ZBTB20: variants seen among roughly 807,000 people sequenced by gnomAD.
ZBTB20 encodes the protein zinc finger and BTB domain containing 20.
ZBTB20 carries 9 observed loss-of-function variants against 56.9 expected under a neutral mutation model. The ratio of observed to expected loss-of-function variants is 0.16; its 90% CI spans 0.10 to 0.28. The LOEUF (loss-of-function observed/expected upper bound fraction) is 0.28. Ranked by LOEUF, ZBTB20 falls within the 10% of genes least tolerant of loss-of-function variation. The probability of loss-of-function intolerance (pLI) is 1.00; values close to 1 mark genes in which losing one functional copy is unlikely to be tolerated. For synonymous variants in ZBTB20, 417 were observed against 420.7 expected (o/e 0.99, Z 0.11); for missense variants, 655 against 1,003.0 (o/e 0.65, Z 4.69).
At chr3:114,984,254 C>CAT (rs754658359) in intron 2 of ZBTB20, among the ~76,000 whole-genome samples, 4 of 151,902 alleles carry the variant, frequency 2.6e-5, no homozygotes, top group Non-Finnish European at 5.9e-5. Flanking sequence ...ATCAATTATA[C>CAT]ATATATATAT....
chr3:115,122,811 G>A (rs982176200), intron 1 of ZBTB20, among the ~76,000 whole-genome samples: 3 of 151,858 alleles, frequency 2.0e-5, no homozygotes, highest in African/African-American at 4.8e-5. Flanking sequence ...TCACCTACTG[G>A]CAATCACCTT....
At chr3:114,746,872 G>A (rs972561612) in intron 5 of ZBTB20, among the ~76,000 whole-genome samples, 8 of 152,086 alleles carry the variant, frequency 5.3e-5, no homozygotes, top group Non-Finnish European at 1.0e-4. Flanking sequence ...AGAAGTCTTC[G>A]ATATTTTTCA....
intron 2 of ZBTB20, among the ~76,000 whole-genome samples, chr3:115,005,299 T>C (rs1433696167): frequency 2.0e-5 from 3 of 151,866 alleles, no homozygotes; most frequent in Non-Finnish European, 4.4e-5. Flanking sequence ...GTATTTATTG[T>C]ATGTGTATTT....
chr3:114,407,781 A>C lies in ZBTB20; in HGVS notation c.-254-18676T>G, dbSNP rs1026468267. ...AAAGGAGAAGTCAGAATAATTCGCA[A>C]TCTGTGATAGGATAGGGATTGTATC... On this transcript the variant is annotated intron_variant, in intron 7 of 11. Transcript: ENST00000675478. Among the ~76,000 whole-genome samples, 3 of 152,096 alleles carry C rather than the reference A, an allele frequency of 2.0e-5. No homozygotes were observed. The South Asian group carries it at 6.2e-4, about 32-fold the overall frequency.
intron 6 of ZBTB20, among the ~76,000 whole-genome samples, chr3:114,649,498 A>T (rs887019576): frequency 3.3e-5 from 5 of 152,012 alleles, no homozygotes; most frequent in Non-Finnish European, 7.4e-5. Flanking sequence ...TGCATAATGG[A>T]CTCAAGTCTC....
At chr3:114,658,201 C>T (rs574018672) in intron 6 of ZBTB20, 7 of 152,208 alleles carry the variant, frequency 4.6e-5, no homozygotes, top group African/African-American at 1.7e-4. Context: ...GTAAAGAAAA[C>T]TACCTTAATG....
At chr3:114,987,566 T>TTACCTATG (rs918593503) in intron 2 of ZBTB20, among the ~76,000 whole-genome samples, 1 of 152,188 alleles carries the variant, frequency 6.6e-6, no homozygotes, top group Non-Finnish European at 1.5e-5. Context: ...AATAGCTTTA[T>TTACCTATG]TACCTATGCT....
rs534890645 is a variant in ZBTB20, at chr3:114,956,115, CA to C, written c.-456+18250del. ...CACATGCTATATTGACAAAAGTATG[CA>C]AAAAAATGCTAATCAAACTCAGCTC... is the stretch of plus-strand genomic sequence containing the variant. On this transcript the variant is annotated intron_variant, in intron 3 of 11. Coordinates refer to ENST00000675478, the MANE Select transcript of ZBTB20 (RefSeq NM_001348800.3). Among the ~76,000 whole-genome samples the C allele has an allele frequency of 2.0e-5, 3 of 152,040 alleles. 1 individual carries two copies. The South Asian group carries it at 6.2e-4, about 32-fold the overall frequency.
At chr3:114,428,516 G>C (rs528627170) in intron 7 of ZBTB20, among the ~76,000 whole-genome samples, 43 of 152,156 alleles carry the variant, frequency 2.8e-4, no homozygotes, top group Non-Finnish European at 5.6e-4. Flanking sequence ...TTTGGTAGGT[G>C]GGGGGAATGA....
chr3:114,402,597 C>T lies in ZBTB20; in HGVS notation c.-254-13492G>A, dbSNP rs55941357. 7.0e-3 allele frequency among the ~76,000 whole-genome samples: 1,073 copies of T among 152,272 alleles called. 15 individuals are homozygous for T. Among genetic ancestry groups the T allele is most frequent in the African/African-American group, 0.025 (1,036 of 41,562 alleles). On this transcript the variant is annotated intron_variant, in intron 7 of 11. Coordinates refer to ENST00000675478, the MANE Select transcript of ZBTB20 (RefSeq NM_001348800.3). ...CACAGAACAGCAGGGATCTTGACGA[C>T]TAAATCATCCTAACTCACGACGAGG... is the stretch of plus-strand genomic sequence containing the variant.
chr3:114,378,564 T>G (rs1016741245), intron 10 of ZBTB20, among the ~76,000 whole-genome samples: 2 of 152,254 alleles, frequency 1.3e-5, no homozygotes, highest in Non-Finnish European at 2.9e-5. Context: ...CCAATGCTTT[T>G]TCTATTCACA....
chr3:114,631,512 C>A (rs1367880118), intron 6 of ZBTB20, among the ~76,000 whole-genome samples: 1 of 147,538 alleles, frequency 6.8e-6, no homozygotes, highest in East Asian at 2.1e-4. Flanking sequence ...CCTGCCTCAG[C>A]CTCTTGAGTA....
At chr3:115,035,900 A>C (rs1039986461) in intron 2 of ZBTB20, among the ~76,000 whole-genome samples, 2 of 152,220 alleles carry the variant, frequency 1.3e-5, no homozygotes, top group African/African-American at 4.8e-5. Flanking sequence ...TTAAAAAGTA[A>C]GGAAATTGTG....
rs1297287242 is a variant in ZBTB20, at chr3:114,331,966, CTCTT to C, written c.*7035_*7038del. On this transcript the variant is annotated 3_prime_UTR_variant, in exon 12 of 12. Coordinates refer to ENST00000675478, the MANE Select transcript of ZBTB20 (RefSeq NM_001348800.3). ...CGGTGACATACTGGATGGGTTAAGA[CTCTT>C]TCATTATTAGAATCTACATATAAAT... The C allele has an allele frequency of 6.6e-6, 1 of 151,454 alleles. No homozygotes were observed. Among genetic ancestry groups the C allele is most frequent in the Non-Finnish European group, 1.5e-5 (1 of 67,966 alleles). The allele number at this position is 151,454 out of a possible 1,614,324, so 9.4% of individuals were successfully genotyped here. A position where few individuals can be genotyped will look rare whatever the true frequency, so the allele number is the denominator to read the frequency against.
intron 6 of ZBTB20, chr3:114,529,115 C>T (rs1337298949): frequency 1.3e-5 from 2 of 152,184 alleles, no homozygotes; most frequent in African/African-American, 4.8e-5. Flanking sequence ...TCCTCTTGAG[C>T]ACATAGCTAA....
chr3:114,856,327 C>A (rs917932955), intron 4 of ZBTB20, among the ~76,000 whole-genome samples: 1 of 152,000 alleles, frequency 6.6e-6, no homozygotes. Flanking sequence ...GATTCAGAAA[C>A]CACAAAATGG....
intron 5 of ZBTB20, among the ~76,000 whole-genome samples, chr3:114,770,149 T>A (rs2069095607): frequency 6.6e-6 from 1 of 151,478 alleles, no homozygotes; most frequent in Non-Finnish European, 1.5e-5. Context: ...TATGGTGCAG[T>A]GTATGCTGCT....
At chr3:114,797,330 G>A (rs2071401448) in intron 5 of ZBTB20, among the ~76,000 whole-genome samples, 1 of 151,550 alleles carries the variant, frequency 6.6e-6, no homozygotes, top group Admixed American at 6.6e-5. Context: ...CATACATTAT[G>A]GTTCTCATCC....
chr3:115,027,544 T>A (rs1377843334), intron 2 of ZBTB20: 2 of 150,950 alleles, frequency 1.3e-5, no homozygotes, highest in Non-Finnish European at 3.0e-5. Context: ...CTTGACTATA[T>A]CCTATGGTGT....
Sources: allele counts gnomAD v4.1 joint callset (sites outside exome capture counted in the v4.1 genomes callset), GRCh38; gene constraint gnomAD v4.1.1; transcripts MANE v1.5; gene names NCBI Gene and HGNC (gene_info 2026-07-23, HGNC 2026-07-21).